Variants in YBX3 observed in about 807,000 individuals in gnomAD.
The protein encoded by YBX3 is Y-box binding protein 3.
YBX3 carries 29 observed loss-of-function variants against 42.4 expected under a neutral mutation model. That is an observed-to-expected ratio of 0.68 (90% CI 0.51 to 0.93). The LOEUF (loss-of-function observed/expected upper bound fraction) is 0.93. YBX3 is among the 40% of genes least tolerant of loss of function. The pLI is 0.00. For synonymous variants in YBX3, 195 were observed against 189.8 expected (o/e 1.03, Z -0.22); for missense variants, 517 against 527.5 (o/e 0.98, Z 0.19).
Position 10,699,257 on chromosome 12 carries a change from C to T in YBX3, c.*432G>A, listed in dbSNP as rs1181476501. The T allele has an allele frequency of 6.6e-6, 1 of 151,670 alleles. No individual in the cohort carries two copies. Among genetic ancestry groups the T allele is most frequent in the African/African-American group, 2.4e-5 (1 of 41,046 alleles). 9.4% of individuals were successfully genotyped at this position (151,670 alleles called of 1,614,324 possible). ...ATGACACTTGGAGGTTTAGCACCAG[C>T]ATCCAAAATGAACAAAAACGGAAAA... is the stretch of plus-strand genomic sequence containing the variant. On this transcript the variant is annotated 3_prime_UTR_variant, in exon 10 of 10. Transcript: ENST00000228251.
At chr12:10,714,550 G>A (rs1411449656) in intron 4 of YBX3, among the ~76,000 whole-genome samples, 4 of 152,108 alleles carry the variant, frequency 2.6e-5, no homozygotes, top group South Asian at 2.1e-4. Flanking sequence ...TCACCCGGAC[G>A]AAGCTATCTT....
In YBX3 at chr12:10,722,970, G is replaced by C. The variant is rs1948350070; in HGVS notation, c.142C>G (p.Pro48Ala). The C allele has an allele frequency of 1.2e-5, 15 of 1,242,152 alleles. No individual in the cohort carries two copies. The Admixed American group carries it at 4.3e-4, about 36-fold the overall frequency. The allele number at this position is 1,242,152 out of a possible 1,614,324, so 76.9% of individuals were successfully genotyped here. ...GGGTTTCCTGCGACGTGGGCGGCGGGCGCCGGGGCCGCGGCCTGGGGCGCA... is the reference window on the plus strand; with the variant it reads ...GGGTTTCCTGCGACGTGGGCGGCGGCCGCCGGGGCCGCGGCCTGGGGCGCA... ...SGAPQAAAPA[P>A]AAHVAGNPGG... Residue 48 changes from proline (P) to alanine (A), a missense_variant, in exon 1 of 10, where the codon CCC (proline) becomes GCC (alanine). Physicochemically the swap from Pro to Ala is conservative, Grantham distance 27 (BLOSUM62 -1). Transcript: ENST00000228251.
At chr12:10,713,036 CA>C (rs1257062035) in intron 5 of YBX3, 174 bp downstream of exon 5, 1 of 857,562 alleles carries the variant, frequency 1.2e-6, no homozygotes, top group African/African-American at 1.7e-5. Flanking sequence ...CTATGGAAAT[CA>C]ATAATACACA....
intron 5 of YBX3, 90 bp downstream of exon 5, chr12:10,713,121 G>C (rs1428753902): frequency 4.4e-6 from 6 of 1,378,102 alleles, no homozygotes; most frequent in Non-Finnish European, 5.7e-6. Context: ...TCCAGGAGAA[G>C]ACAAGGCATT....
rs1456049176 is a variant in YBX3, at chr12:10,713,004, T to C, written c.573+207A>G. On this transcript the variant is annotated intron_variant, in intron 5 of 9. Transcript: ENST00000228251. ...CTAAAGAACTTATTCATGTAACTAA[T>C]CACCACCGGTTTCCCAAAAACCTAT... 9.9e-6 allele frequency: 6 copies of C among 605,690 alleles called. No homozygotes were observed. The East Asian group carries it at 1.6e-4, about 16-fold the overall frequency. 37.5% of individuals were successfully genotyped at this position (605,690 alleles called of 1,614,324 possible).
intron 1 of YBX3, among the ~76,000 whole-genome samples, chr12:10,721,109 C>G (rs552274680): frequency 6.6e-6 from 1 of 151,456 alleles, no homozygotes; most frequent in South Asian, 2.1e-4. Flanking sequence ...CCTAGTACAT[C>G]TTAGGCATCT....
intron 9 of YBX3, 62 bp downstream of exon 9, chr12:10,701,192 T>C (rs1253808337): frequency 1.3e-6 from 1 of 747,864 alleles, no homozygotes; most frequent in Non-Finnish European, 2.5e-6. Context: ...GTACTCTTGT[T>C]GAGAAACCAG....
At chr12:10,717,300 C>T (rs1236224786) in intron 3 of YBX3, among the ~76,000 whole-genome samples, 1 of 152,172 alleles carries the variant, frequency 6.6e-6, no homozygotes, top group Non-Finnish European at 1.5e-5. Context: ...GCATTAGTAC[C>T]TGCTGCTCTA....
chr12:10,706,054 C>G (rs1034418226), intron 6 of YBX3, among the ~76,000 whole-genome samples: 1 of 152,170 alleles, frequency 6.6e-6, no homozygotes, highest in Non-Finnish European at 1.5e-5. Context: ...TAAGATATCA[C>G]GGCTTTCAGG....
At chr12:10,704,253 C>T in intron 6 of YBX3, 105 bp from the exon 7 acceptor site, 1 of 827,142 alleles carries the variant, frequency 1.2e-6, no homozygotes, top group Admixed American at 2.7e-5. Context: ...AAACAAAATG[C>T]TTCATTACAA....
At chr12:10,714,950 A>G (rs1268479074) in intron 4 of YBX3, among the ~76,000 whole-genome samples, 1 of 151,668 alleles carries the variant, frequency 6.6e-6, no homozygotes, top group African/African-American at 2.4e-5. Context: ...GGGTTTCACC[A>G]TGTTGGCCAG....
At chr12:10,718,235 C>T (rs1368205411) in intron 2 of YBX3, 114 bp from the exon 3 acceptor site, 3 of 894,892 alleles carry the variant, frequency 3.4e-6, no homozygotes, top group Non-Finnish European at 5.1e-6. Flanking sequence ...CATATATTTT[C>T]ACTTATTTTC....
At chr12:10,699,693 A>C (rs1235267497) in intron 9 of YBX3, 39 bp from the exon 10 acceptor site, 1 of 152,616 alleles carries the variant, frequency 6.6e-6, no homozygotes, top group African/African-American at 2.4e-5. Context: ...AGAGTGACAA[A>C]GTAACCATGA....
chr12:10,707,024 A>C (rs1948146106), intron 6 of YBX3, among the ~76,000 whole-genome samples: 1 of 150,708 alleles, frequency 6.6e-6, no homozygotes, highest in Non-Finnish European at 1.5e-5. Flanking sequence ...CTCAAAAAAT[A>C]AATAAATAAA....
chr12:10,710,032 GC>G lies in YBX3; in HGVS notation c.655del (p.Ala219ProfsTer49). 1 of 1,614,064 alleles carries G rather than the reference GC, an allele frequency of 6.2e-7. No individual in the cohort carries two copies. Among genetic ancestry groups the G allele is most frequent in the Non-Finnish European group, 8.5e-7 (1 of 1,179,956 alleles). ...CTGGGGGCGGCGCAGCTGATTCCGG[GC>G]CCCAGAGAACTGCCTATCAGTGGCA... ...PPATDRQFSG[A>X]RNQLRRPQYR... On this transcript the variant is annotated frameshift_variant, in exon 6 of 10. Coordinates refer to ENST00000228251, the MANE Select transcript of YBX3 (RefSeq NM_003651.5). LOFTEE classifies it high-confidence loss of function.
intron 9 of YBX3, 105 bp downstream of exon 9, chr12:10,701,149 C>T (rs1174424277): frequency 1.5e-6 from 1 of 654,158 alleles, no homozygotes; most frequent in African/African-American, 1.8e-5. Context: ...GGGGTTGGCA[C>T]AGATGAACTG....
intron 3 of YBX3, among the ~76,000 whole-genome samples, chr12:10,716,407 T>C (rs1462748369): frequency 6.6e-6 from 1 of 152,190 alleles, no homozygotes; most frequent in East Asian, 1.9e-4. Flanking sequence ...ACCTATATGA[T>C]ATTTATTCAA....
intron 9 of YBX3, among the ~76,000 whole-genome samples, chr12:10,700,791 C>G (rs971895907): frequency 6.6e-6 from 1 of 152,030 alleles, no homozygotes; most frequent in Non-Finnish European, 1.5e-5. Flanking sequence ...GGTAGATAAA[C>G]CTTGGCTCTT....
chr12:10,718,487 T>C (rs1732532771), intron 2 of YBX3: 1 of 192,830 alleles, frequency 5.2e-6, no homozygotes, highest in Non-Finnish European at 1.0e-5. Context: ...AACTAGGCTC[T>C]CCTTACACTG....
Sources: gnomAD v4.1 joint callset for allele counts (sites outside exome capture counted in the v4.1 genomes callset) on GRCh38, gnomAD v4.1.1 for gene constraint, MANE v1.5 for transcripts, NCBI Gene and HGNC (gene_info 2026-07-23, HGNC 2026-07-21) for gene names.